The following RNF121 variants were observed in gnomAD, a reference collection of about 807,000 sequenced individuals.
RNF121 encodes the protein E3 ubiquitin ligase RNF121.
In RNF121, 21 loss-of-function variants were observed where a neutral mutation model predicts 46.5. That is an observed-to-expected ratio of 0.45 (90% CI 0.32 to 0.65). RNF121 has a LOEUF of 0.65. Among genes scored for constraint, RNF121 ranks in the 30% least tolerant of loss-of-function variants. The pLI, the probability that RNF121 is intolerant of heterozygous loss-of-function variation, is 0.04. For missense variants in RNF121, 346 were observed against 416.0 expected, an observed-to-expected ratio of 0.83 and a Z score of 1.46; for synonymous variants, 139 against 144.7, an observed-to-expected ratio of 0.96 and a Z score of 0.28.
In RNF121 at chr11:71,996,282, C is replaced by T. The variant is rs1336965533; in HGVS notation, c.951C>T (p.Val317=). 2.5e-6 allele frequency: 4 copies of T among 1,614,164 alleles called. No homozygotes were observed. Among genetic ancestry groups the T allele is most frequent in the Non-Finnish European group, 8.5e-7 (1 of 1,180,010 alleles). ...VAWQPVIIGV[V]QGINYILGLE is the part of the protein sequence containing the mutation. ...GGCAGCCTGTCATCATTGGTGTAGT[C>T]CAAGGCATCAACTACATCCTGGGCC... The change falls in exon 9 of 9, where the codon GTC becomes GTT. Residue 317 remains valine, a synonymous_variant. Transcript: ENST00000361756.
intron 1 of RNF121, among the ~76,000 whole-genome samples, chr11:71,951,093 G>T (rs1953865334): frequency 1.3e-5 from 2 of 151,860 alleles, no homozygotes; most frequent in African/African-American, 4.8e-5. Flanking sequence ...GCGTGGTGGT[G>T]CATGCCTGTA....
intron 3 of RNF121, among the ~76,000 whole-genome samples, chr11:71,963,386 G>T (rs1475568949): frequency 6.6e-6 from 1 of 152,160 alleles, no homozygotes; most frequent in Non-Finnish European, 1.5e-5. Flanking sequence ...ACTTTGGGAG[G>T]CTGAGGTGGG....
At chr11:71,980,863 A>T (rs1013877991) in intron 3 of RNF121, among the ~76,000 whole-genome samples, 2 of 152,234 alleles carry the variant, frequency 1.3e-5, no homozygotes, top group African/African-American at 4.8e-5. Context: ...TTTCATAAAT[A>T]ATTTTAATCT....
intron 3 of RNF121, chr11:71,978,323 A>C: frequency 4.1e-6 from 1 of 244,726 alleles, no homozygotes; most frequent in Non-Finnish European, 8.5e-6. Context: ...TCCTTCCACC[A>C]GCAGCTGCTT....
In RNF121 at chr11:71,940,707, G is replaced by A. The variant is rs565288191; in HGVS notation, c.63+11583G>A. Reference sequence around the variant, plus strand: ...GAAAATGTGGCTCCTGCTCTCACGAGATTAATAGTCCTGTGAGGTAAACCA... The same window carrying A: ...GAAAATGTGGCTCCTGCTCTCACGAAATTAATAGTCCTGTGAGGTAAACCA... On this transcript the variant is annotated intron_variant, in intron 1 of 8. Transcript: ENST00000361756. 2.0e-5 allele frequency among the ~76,000 whole-genome samples: 3 copies of A among 152,220 alleles called. No individual in the cohort carries two copies. The South Asian group carries it at 6.2e-4, about 32-fold the overall frequency.
chr11:71,946,306 T>C (rs920866186), intron 1 of RNF121, among the ~76,000 whole-genome samples: 1 of 152,194 alleles, frequency 6.6e-6, no homozygotes, highest in Non-Finnish European at 1.5e-5. Flanking sequence ...TCCTGATAAG[T>C]GCTATAACAT....
intron 3 of RNF121, among the ~76,000 whole-genome samples, chr11:71,968,687 G>C (rs748592774): frequency 6.6e-6 from 1 of 152,154 alleles, no homozygotes; most frequent in African/African-American, 2.4e-5. Flanking sequence ...TGTTCAGTCA[G>C]TAGATATTCG....
In RNF121 at chr11:71,957,635, T is replaced by C. The variant is rs78448866; in HGVS notation, c.101+371T>C. Among the ~76,000 whole-genome samples the C allele has an allele frequency of 4.3e-3, 660 of 152,210 alleles. 2 individuals are homozygous for C. Among genetic ancestry groups the C allele is most frequent in the African/African-American group, 0.015 (630 of 41,520 alleles). On this transcript the variant is annotated intron_variant, in intron 2 of 8. Coordinates refer to ENST00000361756, the MANE Select transcript of RNF121 (RefSeq NM_018320.5). ...AATATATGTGAAAATCTTAGAAGAG[T>C]GCCTGGCATGTGGTAAGCTTACAGT...
chr11:71,983,116 C>T, intron 4 of RNF121: 1 of 412,568 alleles, frequency 2.4e-6, no homozygotes, highest in Non-Finnish European at 4.2e-6. Flanking sequence ...TTCTGTATAG[C>T]TTACTTTATG....
rs1326650133 is a variant in RNF121, at chr11:71,929,056, G to A, written c.-6G>A. On this transcript the variant is annotated 5_prime_UTR_variant, in exon 1 of 9. In the 5' UTR this introduces an upstream ATG that the reference lacks. Transcript: ENST00000361756. Reference sequence around the variant, plus strand: ...GGGGACTGCGGTGAGGGGGCGAGCCGTGAAGATGGCGGCAGTGGTGGAGGT... The same window carrying A: ...GGGGACTGCGGTGAGGGGGCGAGCCATGAAGATGGCGGCAGTGGTGGAGGT... The A allele has an allele frequency of 1.3e-6, 2 of 1,551,334 alleles. No individual in the cohort carries two copies. Among genetic ancestry groups the A allele is most frequent in the Non-Finnish European group, 1.7e-6 (2 of 1,146,982 alleles).
chr11:71,939,264 G>A, intron 1 of RNF121: 1 of 192,678 alleles, frequency 5.2e-6, no homozygotes, highest in Non-Finnish European at 1.1e-5. Context: ...CAAAAATTCA[G>A]TCTTTTTGGT....
intron 3 of RNF121, among the ~76,000 whole-genome samples, chr11:71,961,348 C>G (rs1472895469): frequency 6.6e-6 from 1 of 152,048 alleles, no homozygotes; most frequent in Non-Finnish European, 1.5e-5. Context: ...ATGGCTTCAG[C>G]TCAGGAGTTC....
At chr11:71,937,849 T>G (rs1350435839) in intron 1 of RNF121, among the ~76,000 whole-genome samples, 1 of 152,224 alleles carries the variant, frequency 6.6e-6, no homozygotes, top group African/African-American at 2.4e-5. Flanking sequence ...ATCTATCTTG[T>G]GTCATTCCTC....
In RNF121 at chr11:71,976,222, G is replaced by A. The variant is rs180992563; in HGVS notation, c.244-6539G>A. Among the ~76,000 whole-genome samples the A allele has an allele frequency of 4.9e-4, 75 of 151,978 alleles. 1 individual carries two copies. The highest frequency in any genetic ancestry group is 6.2e-4 in the South Asian group (3 of 4,816). ...CTCTCTTATGGCCTGCTGTCTTATGGCCATGCTTATTTGTTAGTGTTCTTT... is the reference window on the plus strand; with the variant it reads ...CTCTCTTATGGCCTGCTGTCTTATGACCATGCTTATTTGTTAGTGTTCTTT... On this transcript the variant is annotated intron_variant, in intron 3 of 8. Coordinates refer to ENST00000361756, the MANE Select transcript of RNF121 (RefSeq NM_018320.5).
intron 3 of RNF121, among the ~76,000 whole-genome samples, chr11:71,968,701 ATCC>A (rs949386734): frequency 6.6e-6 from 1 of 152,058 alleles, no homozygotes; most frequent in Admixed American, 6.6e-5. Context: ...ATATTCGTTG[ATCC>A]TTTCTAGTCC....
intron 1 of RNF121, among the ~76,000 whole-genome samples, chr11:71,948,060 A>G (rs903667798): frequency 6.6e-6 from 1 of 152,144 alleles, no homozygotes; most frequent in Non-Finnish European, 1.5e-5. Context: ...AAGATGGGTA[A>G]AAAGTTTGAG....
At chr11:71,946,721 T>C (rs1043819346) in intron 1 of RNF121, among the ~76,000 whole-genome samples, 2 of 151,518 alleles carry the variant, frequency 1.3e-5, no homozygotes, top group Admixed American at 1.3e-4. Context: ...TTATTATTAT[T>C]ATGTTTTTGG....
rs546112167 is a variant in RNF121, at chr11:71,963,564, G to C, written c.243+2673G>C. ...GAATCAGGGAGTTGGAGGTTGCAAT[G>C]AGCCAAGATCGCACCACTGCACCCC... On this transcript the variant is annotated intron_variant, in intron 3 of 8. Transcript: ENST00000361756. Among the ~76,000 whole-genome samples the C allele has an allele frequency of 2.6e-5, 4 of 152,240 alleles. No homozygotes were observed. In the East Asian group the frequency reaches 5.8e-4, roughly 22 times the overall value.
At chr11:71,993,315 T>C (rs929692844) in intron 6 of RNF121, among the ~76,000 whole-genome samples, 4 of 152,242 alleles carry the variant, frequency 2.6e-5, no homozygotes, top group African/African-American at 9.6e-5. Context: ...CACTGTCTAA[T>C]TCCAAAATTT....
Sources: allele counts gnomAD v4.1 joint callset (sites outside exome capture counted in the v4.1 genomes callset), GRCh38; gene constraint gnomAD v4.1.1; transcripts MANE v1.5; gene names NCBI Gene and HGNC (gene_info 2026-07-23, HGNC 2026-07-21).